The following LGR5 variants were observed in gnomAD, a reference collection of about 807,000 sequenced individuals.
LGR5 encodes the protein leucine-rich repeat-containing G protein-coupled receptor 5.
Under a neutral mutation model 76.7 loss-of-function variants are expected in LGR5, and 54 were observed. That is an observed-to-expected ratio of 0.70 (90% CI 0.57 to 0.88). The LOEUF (loss-of-function observed/expected upper bound fraction) is 0.88. LGR5 is among the 40% of genes least tolerant of loss of function. The probability of loss-of-function intolerance (pLI) is 0.00; values close to 1 mark genes in which losing one functional copy is unlikely to be tolerated. For synonymous variants in LGR5, 406 were observed against 421.9 expected, an observed-to-expected ratio of 0.96 and a Z score of 0.46; for missense variants, 1,078 against 1,073.3, an observed-to-expected ratio of 1.00 and a Z score of -0.06.
chr12:71,496,386 AAAAAAAGAG>A (rs931771526), intron 1 of LGR5, among the ~76,000 whole-genome samples: 2 of 149,048 alleles, frequency 1.3e-5, no homozygotes, highest in African/African-American at 4.9e-5. Context: ...AAAAAAAAAA[AAAAAAAGAG>A]AGAGAGAGAG....
chr12:71,558,238 C>T (rs1228981730), intron 6 of LGR5, among the ~76,000 whole-genome samples: 2 of 152,144 alleles, frequency 1.3e-5, no homozygotes, highest in African/African-American at 4.8e-5. Context: ...ACCTTCCAGC[C>T]CTTTTGAACA....
rs962897279 is a variant in LGR5, at chr12:71,584,846, C to CA, written c.*118dup. ...CTGAGGTGAAACTCGGTTTAAAAAC[C>CA]AAAAAAGAATCTCTCAGTTAGTAAG... On this transcript the variant is annotated 3_prime_UTR_variant, in exon 18 of 18. Transcript: ENST00000266674. 2 of 1,120,232 alleles carry CA rather than the reference C, an allele frequency of 1.8e-6. No individual in the cohort carries two copies. The highest frequency in any genetic ancestry group is 2.5e-6 in the Non-Finnish European group (2 of 787,484). The allele number at this position is 1,120,232 out of a possible 1,614,324, so 69.4% of individuals were successfully genotyped here.
chr12:71,446,254 A>G (rs757808179), intron 1 of LGR5, among the ~76,000 whole-genome samples: 1 of 152,258 alleles, frequency 6.6e-6, no homozygotes, highest in Non-Finnish European at 1.5e-5. Context: ...ATTATTGTCC[A>G]GCCCCATTTG....
intron 4 of LGR5, among the ~76,000 whole-genome samples, chr12:71,552,500 G>T (rs746772799): frequency 6.6e-6 from 1 of 151,866 alleles, no homozygotes; most frequent in African/African-American, 2.4e-5. Flanking sequence ...GGGAGGTGGA[G>T]GTTGCAGTGA....
chr12:71,572,687 G>A (rs1364999356), intron 12 of LGR5, among the ~76,000 whole-genome samples, 163 bp from the exon 13 acceptor site: 1 of 152,098 alleles, frequency 6.6e-6, no homozygotes, highest in Non-Finnish European at 1.5e-5. Context: ...GTGTGTAAAT[G>A]GTAATGTTCT....
intron 2 of LGR5, among the ~76,000 whole-genome samples, chr12:71,521,239 T>C (rs186472774): frequency 3.9e-5 from 6 of 152,324 alleles, no homozygotes; most frequent in African/African-American, 1.4e-4. Context: ...ACCATACCTT[T>C]CTCTCCTGCA....
At chr12:71,533,825 G>A (rs1734483513) in intron 3 of LGR5, among the ~76,000 whole-genome samples, 1 of 152,204 alleles carries the variant, frequency 6.6e-6, no homozygotes, top group Admixed American at 6.5e-5. Flanking sequence ...CCAATCTCTA[G>A]TGGCAGAGAA....
At position 71,559,669 on chromosome 12, in the gene LGR5, C is replaced by G. The variant is rs1234640986; in HGVS notation, c.785+15C>G. On this transcript the variant is annotated intron_variant, in intron 7 of 17. Transcript: ENST00000266674. ...CTTAAAGAACTGTAAGTATTTAGGA[C>G]AATTTTAATGGGAGAACTTTATCCT... 1.5e-6 allele frequency: 2 copies of G among 1,320,800 alleles called. No homozygotes were observed. The highest frequency in any genetic ancestry group is 3.5e-5 in the Admixed American group (2 of 57,852). The allele number at this position is 1,320,800 out of a possible 1,614,324, so 81.8% of individuals were successfully genotyped here. A position where few individuals can be genotyped will look rare whatever the true frequency, so the allele number is the denominator to read the frequency against.
chr12:71,471,608 G>T (rs2137243794), intron 1 of LGR5, among the ~76,000 whole-genome samples: 1 of 151,854 alleles, frequency 6.6e-6, no homozygotes. Context: ...TGAGTTGTAT[G>T]GTATATGAAT....
At chr12:71,552,496 T>C (rs1452927967) in intron 4 of LGR5, among the ~76,000 whole-genome samples, 5 of 144,664 alleles carry the variant, frequency 3.5e-5, no homozygotes, top group Admixed American at 7.1e-5. Context: ...ACCCGGGAGG[T>C]GGAGGTTGCA....
chr12:71,508,718 C>A (rs1287427535), intron 2 of LGR5, among the ~76,000 whole-genome samples: 3 of 124,092 alleles, frequency 2.4e-5, no homozygotes, highest in African/African-American at 9.5e-5. Context: ...GGTGCCACTG[C>A]AGTCCAGCCT....
At chr12:71,470,989 A>C (rs546063019) in intron 1 of LGR5, among the ~76,000 whole-genome samples, 1 of 152,250 alleles carries the variant, frequency 6.6e-6, no homozygotes, top group South Asian at 2.1e-4. Flanking sequence ...CACTTACCAA[A>C]TTCATAACTA....
At chr12:71,502,193 C>CTTTTTTT (rs776486573) in intron 1 of LGR5, among the ~76,000 whole-genome samples, 1 of 123,168 alleles carries the variant, frequency 8.1e-6, no homozygotes, top group Non-Finnish European at 1.7e-5. Flanking sequence ...AGGTACTTTC[C>CTTTTTTT]TTTTTTTTTT....
At chr12:71,581,586 C>T (rs1287071346) in intron 16 of LGR5, among the ~76,000 whole-genome samples, 1 of 152,212 alleles carries the variant, frequency 6.6e-6, no homozygotes, top group African/African-American at 2.4e-5. Flanking sequence ...TGGTCCTTGC[C>T]TTTTTTGTTT....
chr12:71,582,399 T>A (rs1879128956), intron 16 of LGR5, 57 bp from the exon 17 acceptor site: 2 of 1,403,818 alleles, frequency 1.4e-6, no homozygotes. Context: ...CACTCTGGGA[T>A]TTGGTCCCTT....
intron 1 of LGR5, among the ~76,000 whole-genome samples, chr12:71,460,316 T>G (rs1872638201): frequency 6.6e-6 from 1 of 152,128 alleles, no homozygotes; most frequent in Non-Finnish European, 1.5e-5. Context: ...GGGAAGACAC[T>G]AAAAGTTTAG....
At chr12:71,567,103 T>C (rs1878389446) in intron 11 of LGR5, 191 bp downstream of exon 11, 2 of 576,190 alleles carry the variant, frequency 3.5e-6, no homozygotes, top group Non-Finnish European at 6.2e-6. Context: ...AATGGTAATG[T>C]ACCCTTTGTT....
At chr12:71,546,360 G>A (rs527330545) in intron 4 of LGR5, among the ~76,000 whole-genome samples, 7 of 151,580 alleles carry the variant, frequency 4.6e-5, no homozygotes, top group Non-Finnish European at 1.0e-4. Context: ...TTACCTTCTA[G>A]CTCTTTGCCA....
intron 1 of LGR5, among the ~76,000 whole-genome samples, chr12:71,470,288 A>G (rs1592467367): frequency 6.6e-6 from 1 of 152,246 alleles, no homozygotes; most frequent in East Asian, 1.9e-4. Flanking sequence ...CTCCCTTTTT[A>G]TCAAAGGGAG....
Sources: gnomAD v4.1 joint callset for allele counts (sites outside exome capture counted in the v4.1 genomes callset) on GRCh38, gnomAD v4.1.1 for gene constraint, MANE v1.5 for transcripts, NCBI Gene and HGNC (gene_info 2026-07-23, HGNC 2026-07-21) for gene names.